Variants in NR4A3 observed in about 807,000 individuals in gnomAD.
The protein encoded by NR4A3 is chondrosarcoma, extraskeletal myxoid, fused to EWS.
A neutral mutation model predicts 55.6 loss-of-function variants in NR4A3; 13 were observed. The observed-to-expected ratio is 0.23, with a 90% CI of 0.15 to 0.37. The LOEUF is 0.37. Among genes scored for constraint, NR4A3 ranks in the 10% least tolerant of loss-of-function variants. NR4A3 has a pLI of 1.00. For missense variants in NR4A3, 646 were observed against 822.8 expected, an observed-to-expected ratio of 0.79 and a Z score of 2.63; for synonymous variants, 342 against 357.9, an observed-to-expected ratio of 0.96 and a Z score of 0.50.
intron 7 of NR4A3, among the ~76,000 whole-genome samples, chr9:99,848,863 A>G (rs1395832472): frequency 6.6e-6 from 1 of 151,946 alleles, no homozygotes; most frequent in African/African-American, 2.4e-5. Flanking sequence ...TTCCTGTTAG[A>G]CCTCATTCTT....
At chr9:99,827,929 T>A in intron 2 of NR4A3, 112 bp from the exon 3 acceptor site, 1 of 1,245,238 alleles carries the variant, frequency 8.0e-7, no homozygotes, top group Non-Finnish European at 1.1e-6. Context: ...GAGGAGAGGA[T>A]GACACTTCCT....
At chr9:99,863,414 A>C (rs990599627) in intron 7 of NR4A3, among the ~76,000 whole-genome samples, 2 of 152,188 alleles carry the variant, frequency 1.3e-5, no homozygotes, top group Non-Finnish European at 2.9e-5. Context: ...TCTAGGGCAC[A>C]CAGCAAGTAA....
rs953052339 is a variant in NR4A3, at chr9:99,864,874, A to C, written c.*1007A>C. ...AGATAAGAACATGCAAATCAGCAGG[A>C]ACTGGTCATACAGGGTAAGCACCAG... On this transcript the variant is annotated 3_prime_UTR_variant, in exon 8 of 8. Transcript: ENST00000395097. The C allele has an allele frequency of 1.4e-5, 3 of 217,028 alleles. No individual in the cohort carries two copies. The allele number at this position is 217,028 out of a possible 1,614,324, so 13.4% of individuals were successfully genotyped here.
rs1257096052 is a variant in NR4A3, at chr9:99,866,686, C to G, written c.*2819C>G. ...GGCGGGAGAGCTCTCTCAGTGTGAA[C>G]ATGCCTTCTGTGGGCGGAAATCAGG... On this transcript the variant is annotated 3_prime_UTR_variant, in exon 8 of 8. Transcript: ENST00000395097. 4.5e-6 allele frequency: 1 copy of G among 224,174 alleles called. No individual in the cohort carries two copies. Among genetic ancestry groups the G allele is most frequent in the Admixed American group, 5.7e-5 (1 of 17,446 alleles). 13.9% of individuals were successfully genotyped at this position (224,174 alleles called of 1,614,324 possible).
intron 7 of NR4A3, among the ~76,000 whole-genome samples, chr9:99,854,938 G>A (rs1245312263): frequency 2.2e-4 from 31 of 140,448 alleles, no homozygotes; most frequent in Middle Eastern, 7.0e-3. Context: ...CCATTTTCAC[G>A]ATATTGATTC....
intron 7 of NR4A3, 39 bp downstream of exon 7, chr9:99,847,654 T>G: frequency 1.9e-6 from 3 of 1,594,080 alleles, no homozygotes; most frequent in Non-Finnish European, 2.6e-6. Flanking sequence ...CTCATTTCTC[T>G]CCTTCCCTTT....
At chr9:99,829,128 C>A (rs1012581098) in intron 3 of NR4A3, 135 bp downstream of exon 3, 5 of 1,059,328 alleles carry the variant, frequency 4.7e-6, no homozygotes, top group African/African-American at 1.6e-5. Flanking sequence ...TACAGCCCTT[C>A]CTAGCACCTT....
chr9:99,849,079 C>A (rs1465276286), intron 7 of NR4A3, among the ~76,000 whole-genome samples: 1 of 152,212 alleles, frequency 6.6e-6, no homozygotes, highest in African/African-American at 2.4e-5. Flanking sequence ...TCAAATGCAA[C>A]CTCTGGTACA....
chr9:99,833,245 C>A (rs1827483067), intron 4 of NR4A3, 37 bp from the exon 5 acceptor site: 1 of 1,551,348 alleles, frequency 6.4e-7, no homozygotes. Context: ...ATTCCATAAT[C>A]TTTGAAGATT....
At chr9:99,827,827 G>T (rs972767510) in intron 2 of NR4A3, among the ~76,000 whole-genome samples, 1 of 152,162 alleles carries the variant, frequency 6.6e-6, no homozygotes, top group Non-Finnish European at 1.5e-5. Context: ...TCCACAGGAG[G>T]CCAGGTTTTG....
chr9:99,849,019 C>T (rs1031062935), intron 7 of NR4A3, among the ~76,000 whole-genome samples: 3 of 152,212 alleles, frequency 2.0e-5, no homozygotes, highest in Non-Finnish European at 2.9e-5. Flanking sequence ...ATAATATGCT[C>T]TTGGCTATAG....
intron 5 of NR4A3, among the ~76,000 whole-genome samples, chr9:99,841,892 C>A (rs998108530): frequency 2.0e-5 from 3 of 152,168 alleles, no homozygotes; most frequent in Admixed American, 1.3e-4. Flanking sequence ...ATCGCCTCAG[C>A]TGGGGAAGTC....
Position 99,849,183 on chromosome 9 carries a change from G to T in NR4A3, c.1633+1568G>T, listed in dbSNP as rs188196498. ...CTTGGGATATCTCCTATTAGCTAAG[G>T]TTAGATGTGTCTGTGCCTTAAGAGG... is the stretch of plus-strand genomic sequence containing the variant. On this transcript the variant is annotated intron_variant, in intron 7 of 7. Transcript: ENST00000395097. 3.9e-4 allele frequency among the ~76,000 whole-genome samples: 60 copies of T among 152,304 alleles called. 1 individual carries two copies. The highest frequency in any genetic ancestry group is 3.4e-3 in the Middle Eastern group (1 of 294).
Position 99,863,996 on chromosome 9 carries a change from A to G in NR4A3, c.*129A>G, listed in dbSNP as rs1233146897. ...GGAAAAGCAGCTCCTGTAGAAAGCA[A>G]AGACTTTCTTTTTTTTCTGGCTCTT... is the stretch of plus-strand genomic sequence containing the variant. On this transcript the variant is annotated 3_prime_UTR_variant, in exon 8 of 8. Coordinates refer to ENST00000395097, the MANE Select transcript of NR4A3 (RefSeq NM_006981.4). 8.9e-7 allele frequency: 1 copy of G among 1,123,080 alleles called. No individual in the cohort carries two copies. The highest frequency in any genetic ancestry group is 1.3e-6 in the Non-Finnish European group (1 of 799,502). 69.6% of individuals were successfully genotyped at this position (1,123,080 alleles called of 1,614,324 possible). A position where few individuals can be genotyped will look rare whatever the true frequency, so the allele number is the denominator to read the frequency against.
At chr9:99,841,093 T>C (rs1394046384) in intron 5 of NR4A3, among the ~76,000 whole-genome samples, 1 of 151,978 alleles carries the variant, frequency 6.6e-6, no homozygotes, top group Non-Finnish European at 1.5e-5. Context: ...TAGCTGGGCA[T>C]GTTGGTGTGC....
At chr9:99,859,445 G>C (rs1700243852) in intron 7 of NR4A3, among the ~76,000 whole-genome samples, 1 of 152,212 alleles carries the variant, frequency 6.6e-6, no homozygotes, top group Non-Finnish European at 1.5e-5. Flanking sequence ...TTTGCATGGA[G>C]ACTGAATATT....
chr9:99,830,003 T>TA (rs1446471286), intron 3 of NR4A3, among the ~76,000 whole-genome samples: 6 of 152,256 alleles, frequency 3.9e-5, no homozygotes, highest in Admixed American at 2.0e-4. Flanking sequence ...TTTGCTGTGC[T>TA]ACCTTTTGCT....
intron 5 of NR4A3, among the ~76,000 whole-genome samples, chr9:99,844,317 A>G (rs1827716178): frequency 6.6e-6 from 1 of 152,166 alleles, no homozygotes; most frequent in Admixed American, 6.5e-5. Flanking sequence ...GACCAATTAA[A>G]TGAGAATCTC....
In NR4A3 at chr9:99,828,013, T is replaced by C; in HGVS notation, c.-2-28T>C. 1.3e-6 allele frequency: 2 copies of C among 1,589,356 alleles called. No individual in the cohort carries two copies. Among genetic ancestry groups the C allele is most frequent in the Non-Finnish European group, 1.7e-6 (2 of 1,166,292 alleles). On this transcript the variant is annotated intron_variant, in intron 2 of 7. Coordinates refer to ENST00000395097, the MANE Select transcript of NR4A3 (RefSeq NM_006981.4). The surrounding 1 kb of genome is among the most constrained non-coding windows in gnomAD (Gnocchi z 7.7). ...TAGAAAACAAGTGTTAACTTGCTTC[T>C]GAGAGACCCTTTTCTCTGTCCCTGC...
Sources: allele counts gnomAD v4.1 joint callset (sites outside exome capture counted in the v4.1 genomes callset), GRCh38; gene constraint gnomAD v4.1.1; non-coding constraint Gnocchi (gnomAD v3.1); transcripts MANE v1.5; gene names NCBI Gene and HGNC (gene_info 2026-07-23, HGNC 2026-07-21).